The following SMYD3 variants were observed in gnomAD, a reference collection of about 807,000 sequenced individuals.
The protein encoded by SMYD3 is histone-lysine N-methyltransferase SMYD3.
Under a neutral mutation model 57.7 loss-of-function variants are expected in SMYD3, and 36 were observed. The ratio of observed to expected loss-of-function variants is 0.62; its 90% CI spans 0.48 to 0.82. SMYD3 has a LOEUF of 0.82. SMYD3 is among the 40% of genes least tolerant of loss of function. SMYD3 has a pLI of 0.00. For synonymous variants in SMYD3, 211 were observed against 195.0 expected, an observed-to-expected ratio of 1.08 and a Z score of -0.68; for missense variants, 515 against 538.8, an observed-to-expected ratio of 0.96 and a Z score of 0.44.
intron 1 of SMYD3, among the ~76,000 whole-genome samples, chr1:246,415,671 G>T (rs1272582008): frequency 6.6e-6 from 1 of 152,144 alleles, no homozygotes; most frequent in East Asian, 1.9e-4. Context: ...TGATCCTCCT[G>T]CCTCAGCCTC....
rs182216797 is a variant in SMYD3, at chr1:246,150,788, C to T, written c.531+176413G>A. ...CCAGAAAACCCTGTCCACATTACCA[C>T]AGTGACATCCCAATGGCTTACTCAC... On this transcript the variant is annotated intron_variant, in intron 5 of 11. Coordinates refer to ENST00000490107, the MANE Select transcript of SMYD3 (RefSeq NM_001167740.2). Among the ~76,000 whole-genome samples the T allele has an allele frequency of 3.3e-5, 5 of 152,324 alleles. No homozygotes were observed. In the South Asian group the frequency reaches 6.2e-4, roughly 19 times the overall value.
intron 5 of SMYD3, among the ~76,000 whole-genome samples, chr1:246,254,396 C>A (rs1355998756): frequency 6.6e-6 from 1 of 152,056 alleles, no homozygotes; most frequent in Non-Finnish European, 1.5e-5. Flanking sequence ...ACAGGGAGTC[C>A]TTTCCTCATT....
intron 5 of SMYD3, among the ~76,000 whole-genome samples, chr1:246,207,974 T>C (rs911131825): frequency 2.0e-5 from 3 of 152,050 alleles, no homozygotes; most frequent in African/African-American, 7.3e-5. Flanking sequence ...ACTGCCAGAG[T>C]AGAAGTAAAT....
At chr1:246,305,635 G>A (rs1441340770) in intron 5 of SMYD3, among the ~76,000 whole-genome samples, 1 of 152,116 alleles carries the variant, frequency 6.6e-6, no homozygotes, top group African/African-American at 2.4e-5. Context: ...TAACACATGG[G>A]CTTCCATAGT....
chr1:246,121,980 G>C (rs752582654), intron 5 of SMYD3, among the ~76,000 whole-genome samples: 16 of 151,496 alleles, frequency 1.1e-4, no homozygotes, highest in Non-Finnish European at 1.8e-4. Flanking sequence ...TTCAAAAATA[G>C]TTCAATTTTA....
At chr1:246,177,960 G>C (rs1338784746) in intron 5 of SMYD3, among the ~76,000 whole-genome samples, 1 of 152,132 alleles carries the variant, frequency 6.6e-6, no homozygotes, top group Non-Finnish European at 1.5e-5. Context: ...TTTCAAAAAG[G>C]GTGCTGCCTC....
At chr1:246,141,806 A>T (rs1385000559) in intron 5 of SMYD3, among the ~76,000 whole-genome samples, 8 of 152,232 alleles carry the variant, frequency 5.3e-5, no homozygotes, top group Admixed American at 5.2e-4. Flanking sequence ...TGCTGTTTAA[A>T]CCCTGGTGAT....
At chr1:246,433,792 A>G (rs1205503180) in intron 1 of SMYD3, among the ~76,000 whole-genome samples, 1 of 152,340 alleles carries the variant, frequency 6.6e-6, no homozygotes, top group South Asian at 2.1e-4. Context: ...ATAGAACTCA[A>G]AAAGAGCCCA....
At chr1:245,911,118 G>A (rs2054941354) in intron 8 of SMYD3, among the ~76,000 whole-genome samples, 1 of 152,022 alleles carries the variant, frequency 6.6e-6, no homozygotes, top group Non-Finnish European at 1.5e-5. Flanking sequence ...ATAAAAAAAT[G>A]TTCAATAACA....
intron 5 of SMYD3, among the ~76,000 whole-genome samples, chr1:246,110,420 G>T: frequency 6.6e-6 from 1 of 152,202 alleles, no homozygotes; most frequent in Non-Finnish European, 1.5e-5. Flanking sequence ...ACACTCAGGG[G>T]GCTACGGGTA....
At chr1:245,778,479 A>T (rs569617399) in intron 10 of SMYD3, among the ~76,000 whole-genome samples, 1 of 152,296 alleles carries the variant, frequency 6.6e-6, no homozygotes, top group South Asian at 2.1e-4. Context: ...TTTCTATTAT[A>T]TCCATCCCAG....
rs1028925726 is a variant in SMYD3, at chr1:246,012,543, C to T, written c.532-82606G>A. On this transcript the variant is annotated intron_variant, in intron 5 of 11. Coordinates refer to ENST00000490107, the MANE Select transcript of SMYD3 (RefSeq NM_001167740.2). ...CCAGGAGGCATTAACAGTTTTGTAA[C>T]CGCCTCTATCGACAGCGTGTGCATA... 3.9e-5 allele frequency among the ~76,000 whole-genome samples: 6 copies of T among 152,300 alleles called. 1 individual carries two copies. The South Asian group carries it at 1.0e-3, about 26-fold the overall frequency.
At chr1:246,243,842 T>G (rs2063657034) in intron 5 of SMYD3, among the ~76,000 whole-genome samples, 1 of 151,822 alleles carries the variant, frequency 6.6e-6, no homozygotes, top group Admixed American at 6.6e-5. Flanking sequence ...GAGTTAAGAT[T>G]AGAAAGAAAT....
chr1:245,805,075 G>C (rs2048087021), intron 10 of SMYD3, among the ~76,000 whole-genome samples: 1 of 151,764 alleles, frequency 6.6e-6, no homozygotes, highest in Non-Finnish European at 1.5e-5. Flanking sequence ...ATGCGTTCAA[G>C]GCCCAAGCAG....
intron 5 of SMYD3, among the ~76,000 whole-genome samples, chr1:246,071,671 T>G (rs191732574): frequency 3.1e-4 from 47 of 152,262 alleles, no homozygotes; most frequent in African/African-American, 1.0e-3. Flanking sequence ...AAATCGAAAA[T>G]CCTGAAAATC....
intron 8 of SMYD3, among the ~76,000 whole-genome samples, chr1:245,879,178 G>C (rs1206873756): frequency 6.6e-6 from 1 of 152,082 alleles, no homozygotes; most frequent in Non-Finnish European, 1.5e-5. Flanking sequence ...GTTCCCATTT[G>C]CTTTATGCAT....
chr1:246,135,712 A>T (rs12124268), intron 5 of SMYD3, among the ~76,000 whole-genome samples: 33,900 of 152,026 alleles, frequency 0.22, 4,413 homozygotes, highest in African/African-American at 0.32. Context: ...CATATTATAT[A>T]TGAACAGAGT....
intron 5 of SMYD3, among the ~76,000 whole-genome samples, chr1:246,123,495 A>G (rs561927710): frequency 5.9e-4 from 89 of 151,626 alleles, no homozygotes; most frequent in African/African-American, 2.1e-3. Flanking sequence ...TGAACCCGGG[A>G]GGCAGAGGTT....
intron 5 of SMYD3, among the ~76,000 whole-genome samples, chr1:246,196,756 T>A (rs930723439): frequency 6.6e-6 from 1 of 152,148 alleles, no homozygotes; most frequent in Non-Finnish European, 1.5e-5. Flanking sequence ...AATTTAAAAG[T>A]TAAAACTTTC....
Sources: allele counts gnomAD v4.1 joint callset (sites outside exome capture counted in the v4.1 genomes callset), GRCh38; gene constraint gnomAD v4.1.1; transcripts MANE v1.5; gene names NCBI Gene and HGNC (gene_info 2026-07-23, HGNC 2026-07-21).